The following OXNAD1 variants were observed in gnomAD, a reference collection of about 807,000 sequenced individuals.
OXNAD1 encodes oxidoreductase NAD-binding domain-containing protein 1.
In OXNAD1, 34 loss-of-function variants were observed where a neutral mutation model predicts 32.9. That is an observed-to-expected ratio of 1.03 (90% CI 0.79 to 1.38). The LOEUF (loss-of-function observed/expected upper bound fraction) is 1.38, where lower values mean the gene tolerates loss of function less well. OXNAD1 is among the 40% of genes most tolerant of loss of function. The pLI is 0.00. For synonymous variants in OXNAD1, 134 were observed against 135.2 expected (o/e 0.99, Z 0.06); for missense variants, 407 against 379.4 (o/e 1.07, Z -0.60).
At chr3:16,278,119 T>C (rs2065476359) in intron 4 of OXNAD1, among the ~76,000 whole-genome samples, 1 of 151,996 alleles carries the variant, frequency 6.6e-6, no homozygotes, top group Admixed American at 6.5e-5. Flanking sequence ...CTAATTCATA[T>C]GCATTCATTT....
At chr3:16,337,875 C>G (rs2071014375), downstream of OXNAD1, among the ~76,000 whole-genome samples, 1 of 152,186 alleles carries the variant, frequency 6.6e-6, no homozygotes, top group Non-Finnish European at 1.5e-5. This position sits in a 1 kb window ranked among gnomAD's most constrained non-coding sequence, Gnocchi z 5.0. Flanking sequence ...CTTATTTGCT[C>G]CAGGCCGGAC....
intron 9 of OXNAD1, among the ~76,000 whole-genome samples, chr3:16,311,664 ACT>A (rs1249074802): frequency 6.6e-6 from 1 of 151,966 alleles, no homozygotes; most frequent in African/African-American, 2.4e-5. Flanking sequence ...CTTCTGAATA[ACT>A]CTCAAATCTA....
rs2125298518 is a variant in OXNAD1, at chr3:16,344,429, C to G, written c.*31-4747C>G. On this transcript the variant is annotated intron_variant, in intron 9 of 9. Coordinates refer to the OXNAD1 transcript ENST00000606098. This position sits in a 1 kb window ranked among gnomAD's most constrained non-coding sequence, Gnocchi z 4.4. ...ACAGATACATTCAGAAAAGGCGGCT[C>G]TGGTTGACACTGGCATGGGTGGGTG... Among the ~76,000 whole-genome samples the G allele has an allele frequency of 6.6e-6, 1 of 152,156 alleles. No individual in the cohort carries two copies. Among genetic ancestry groups the G allele is most frequent in the East Asian group, 1.9e-4 (1 of 5,188 alleles).
intron 1 of OXNAD1, among the ~76,000 whole-genome samples, chr3:16,267,355 TCTC>T (rs1349156757): frequency 2.6e-5 from 4 of 152,288 alleles, no homozygotes; most frequent in African/African-American, 9.6e-5. Context: ...GTCTTGTCCT[TCTC>T]CTGATTGATT....
intron 6 of OXNAD1, among the ~76,000 whole-genome samples, chr3:16,295,714 G>C (rs1559758843): frequency 6.6e-6 from 1 of 151,996 alleles, no homozygotes. Context: ...CATTGCAAGA[G>C]TGTCTTCTAT....
chr3:16,282,928 G>A (rs1418475582), intron 4 of OXNAD1, among the ~76,000 whole-genome samples: 1 of 140,348 alleles, frequency 7.1e-6, no homozygotes, highest in Non-Finnish European at 1.5e-5. Context: ...ATATTTGCCT[G>A]TTGGCTGCTT....
At chr3:16,341,480 G>C (rs1451276698), downstream of OXNAD1, among the ~76,000 whole-genome samples, 2 of 152,210 alleles carry the variant, frequency 1.3e-5, no homozygotes, top group Non-Finnish European at 2.9e-5. The surrounding 1 kb of genome is among the most constrained non-coding windows in gnomAD (Gnocchi z 4.7). Context: ...AAAAAGCAAT[G>C]AGCTCTCAAG....
At chr3:16,351,535 A>G (rs938832327), downstream of OXNAD1, among the ~76,000 whole-genome samples, 1 of 152,194 alleles carries the variant, frequency 6.6e-6, no homozygotes, top group African/African-American at 2.4e-5. This position sits in a 1 kb window ranked among gnomAD's most constrained non-coding sequence, Gnocchi z 5.4. Context: ...AGAGGCTGTA[A>G]TGATACCCTA....
rs1013567152 is a variant in OXNAD1, at chr3:16,301,592, A to G, written c.433-34A>G. On this transcript the variant is annotated intron_variant, in intron 6 of 8. Coordinates refer to ENST00000285083, the MANE Select transcript of OXNAD1 (RefSeq NM_138381.5). This position sits in a 1 kb window ranked among gnomAD's most constrained non-coding sequence, Gnocchi z 4.1. ...ACATTTGGTTTAAGACCTTTGCTAC[A>G]AAAGACTAAAAGGTCTTTTCTTTCC... 3.1e-6 allele frequency: 5 copies of G among 1,611,304 alleles called. No individual in the cohort carries two copies. Among genetic ancestry groups the G allele is most frequent in the Non-Finnish European group, 4.2e-6 (5 of 1,178,410 alleles).
At chr3:16,306,475 C>T (rs1448399277), downstream of OXNAD1, among the ~76,000 whole-genome samples, 1 of 152,206 alleles carries the variant, frequency 6.6e-6, no homozygotes, top group South Asian at 2.1e-4. Context: ...TCCTTAATAT[C>T]CTCTAAGACC....
downstream of OXNAD1, among the ~76,000 whole-genome samples, chr3:16,350,550 G>C (rs1158838028): frequency 1.3e-5 from 2 of 151,698 alleles, no homozygotes; most frequent in East Asian, 3.9e-4. Context: ...CTGTAAACAG[G>C]TGTGTAACTG....
Position 16,320,451 on chromosome 3 carries a change from G to A in OXNAD1, c.*31-16661G>A, listed in dbSNP as rs113159278. ...AAGCTGATTACTCATTCATTGATTCGACAAGTATCTGTTGAGCACCAACTA... is the reference window on the plus strand; with the variant it reads ...AAGCTGATTACTCATTCATTGATTCAACAAGTATCTGTTGAGCACCAACTA... On this transcript the variant is annotated intron_variant, in intron 9 of 9. Transcript: ENST00000435829. The surrounding 1 kb of genome is among the most constrained non-coding windows in gnomAD (Gnocchi z 4.5). Among the ~76,000 whole-genome samples the A allele has an allele frequency of 0.032, 4,829 of 152,232 alleles. 107 individuals carry two copies. The highest frequency in any genetic ancestry group is 0.082 in the Middle Eastern group (24 of 294).
Position 16,317,988 on chromosome 3 carries a change from T to C in OXNAD1, c.*30+14396T>C, listed in dbSNP as rs766426021. 3.9e-5 allele frequency among the ~76,000 whole-genome samples: 6 copies of C among 152,154 alleles called. No homozygotes were observed. The highest frequency in any genetic ancestry group is 8.8e-5 in the Non-Finnish European group (6 of 68,028). ...TACTGTACCGACAAGTGTTCTAAGG[T>C]AACTCCCTCTAAAAACTTCCAATCT... On this transcript the variant is annotated intron_variant, in intron 9 of 9. Coordinates refer to the OXNAD1 transcript ENST00000435829. The surrounding 1 kb of genome is among the most constrained non-coding windows in gnomAD (Gnocchi z 4.3).
At position 16,317,262 on chromosome 3, in the gene OXNAD1, A is replaced by T. The variant is rs200705286; in HGVS notation, c.*30+13670A>T. 189 of 1,605,226 alleles carry T rather than the reference A, an allele frequency of 1.2e-4. No homozygotes were observed. The highest frequency in any genetic ancestry group is 1.7e-4 in the Admixed American group (10 of 59,210). On this transcript the variant is annotated intron_variant, in intron 9 of 9. Coordinates refer to the OXNAD1 transcript ENST00000435829. The surrounding 1 kb of genome is among the most constrained non-coding windows in gnomAD (Gnocchi z 4.3). ...AAATCAGAAAGGATGGGGATAAATA[A>T]CAAGCCTCCGGGAACCCAGAGCTTC...
chr3:16,289,300 G>A lies in OXNAD1; in HGVS notation c.290+2852G>A, dbSNP rs976026719. Among the ~76,000 whole-genome samples, 1 of 152,120 alleles carries A rather than the reference G, an allele frequency of 6.6e-6. No individual in the cohort carries two copies. The highest frequency in any genetic ancestry group is 2.4e-5 in the African/African-American group (1 of 41,412). ...GAAGAGTGGCAGGCCAGGCAGGAGT[G>A]GGGGCTTATCACCACCATGTCACCA... On this transcript the variant is annotated intron_variant, in intron 5 of 8. Transcript: ENST00000285083. This position sits in a 1 kb window ranked among gnomAD's most constrained non-coding sequence, Gnocchi z 4.9.
downstream of OXNAD1, chr3:16,339,499 CTG>C (rs748117007): frequency 1.3e-5 from 2 of 152,244 alleles, no homozygotes; most frequent in African/African-American, 2.4e-5. Context: ...ATCTGGCTCC[CTG>C]CTCTACCAGA....
At chr3:16,323,383 T>A in intron 9 of OXNAD1, 5 of 1,607,710 alleles carry the variant, frequency 3.1e-6, no homozygotes, top group Non-Finnish European at 4.3e-6. Context: ...TACCTTCGAT[T>A]CCTTCTTCTT....
At chr3:16,341,429 A>C (rs1410421010), downstream of OXNAD1, among the ~76,000 whole-genome samples, 1 of 152,222 alleles carries the variant, frequency 6.6e-6, no homozygotes, top group Non-Finnish European at 1.5e-5. The surrounding 1 kb of genome is among the most constrained non-coding windows in gnomAD (Gnocchi z 4.7). Context: ...ACTGACAGAG[A>C]AACTGCAGTG....
chr3:16,286,364 G>A lies in OXNAD1; in HGVS notation c.206G>A (p.Cys69Tyr), dbSNP rs1358009165. The change falls in exon 5 of 9, where the codon TGT becomes TAT. Residue 69 changes from cysteine (C) to tyrosine (Y), a missense_variant. By Grantham distance (194) the Cys-to-Tyr change is radical (BLOSUM62 -2). Coordinates refer to ENST00000285083, the MANE Select transcript of OXNAD1 (RefSeq NM_138381.5). The part of the protein sequence containing the change: ...RREIVSAAKV[C>Y]GAASESPSVK... The stretch of plus-strand genomic sequence containing the variant: ...TAGATTGTGTCAGCAGCTAAGGTGT[G>A]TGGAGCTGCCAGTGAGTCACCGTCA... 5.0e-6 allele frequency: 8 copies of A among 1,613,626 alleles called. No individual in the cohort carries two copies. The East Asian group carries it at 1.3e-4, about 27-fold the overall frequency.
Sources: gnomAD v4.1 joint callset for allele counts (sites outside exome capture counted in the v4.1 genomes callset) on GRCh38, gnomAD v4.1.1 for gene constraint, Gnocchi (gnomAD v3.1) non-coding constraint, MANE v1.5 for transcripts, NCBI Gene and HGNC (gene_info 2026-07-23, HGNC 2026-07-21) for gene names.